Variants in LRRTM4 observed in about 807,000 individuals in gnomAD.
The protein encoded by LRRTM4 is leucine rich repeat transmembrane neuronal 4, also known as leucine-rich repeat transmembrane neuronal protein 4.
Under a neutral mutation model 47.6 loss-of-function variants are expected in LRRTM4, and 25 were observed. The observed-to-expected ratio is 0.53, with a 90% CI of 0.38 to 0.73. The LOEUF (loss-of-function observed/expected upper bound fraction) is 0.73, where lower values mean the gene tolerates loss of function less well. LRRTM4 is among the 30% of genes least tolerant of loss of function. LRRTM4 has a pLI of 0.00. For synonymous variants in LRRTM4, 311 were observed against 269.5 expected (o/e 1.15, Z -1.51); for missense variants, 638 against 713.4 (o/e 0.89, Z 1.20).
At chr2:77,046,896 A>C (rs1679253633) in intron 3 of LRRTM4, among the ~76,000 whole-genome samples, 1 of 152,018 alleles carries the variant, frequency 6.6e-6, no homozygotes, top group South Asian at 2.1e-4. Flanking sequence ...TGGCTGGATA[A>C]AAGAAAGGGA....
chr2:77,199,178 A>C (rs1673909324), intron 3 of LRRTM4, among the ~76,000 whole-genome samples: 2 of 152,182 alleles, frequency 1.3e-5, no homozygotes, highest in African/African-American at 4.8e-5. Context: ...CATTTAGCTA[A>C]AACACAGACT....
At chr2:76,924,961 G>C (rs1328164371) in intron 3 of LRRTM4, among the ~76,000 whole-genome samples, 1 of 151,862 alleles carries the variant, frequency 6.6e-6, no homozygotes, top group East Asian at 1.9e-4. Flanking sequence ...GACCTCTATT[G>C]ACACGTGCCT....
At chr2:77,379,196 T>C (rs1260599874) in intron 3 of LRRTM4, among the ~76,000 whole-genome samples, 1 of 152,150 alleles carries the variant, frequency 6.6e-6, no homozygotes, top group Non-Finnish European at 1.5e-5. Context: ...TTATTTTTGC[T>C]CTATATTGAA....
At chr2:77,143,841 T>C (rs988659529) in intron 3 of LRRTM4, among the ~76,000 whole-genome samples, 4 of 152,164 alleles carry the variant, frequency 2.6e-5, no homozygotes, top group African/African-American at 7.2e-5. Context: ...GGACAATCAT[T>C]TGGGGCCAAG....
At chr2:77,148,509 A>G (rs1032234311) in intron 3 of LRRTM4, among the ~76,000 whole-genome samples, 4 of 152,156 alleles carry the variant, frequency 2.6e-5, no homozygotes, top group African/African-American at 7.2e-5. Flanking sequence ...TTACTTTTAT[A>G]TATGACACTT....
intron 3 of LRRTM4, among the ~76,000 whole-genome samples, chr2:76,801,717 T>C (rs1675697809): frequency 6.6e-6 from 1 of 151,220 alleles, no homozygotes; most frequent in Non-Finnish European, 1.5e-5. Flanking sequence ...GTATGAAAAA[T>C]CCTCAGCAAA....
intron 3 of LRRTM4, among the ~76,000 whole-genome samples, chr2:76,975,430 T>A (rs1405722594): frequency 1.4e-5 from 2 of 139,890 alleles, no homozygotes; most frequent in East Asian, 2.0e-4. Flanking sequence ...TTATTTATTA[T>A]TTATTTTAAG....
intron 3 of LRRTM4, among the ~76,000 whole-genome samples, chr2:77,283,097 C>T (rs1426422346): frequency 6.6e-6 from 1 of 151,808 alleles, no homozygotes; most frequent in East Asian, 1.9e-4. Flanking sequence ...AAGACTAATA[C>T]CCAGATTCTA....
At chr2:76,836,159 T>A (rs982637634) in intron 3 of LRRTM4, among the ~76,000 whole-genome samples, 1 of 146,076 alleles carries the variant, frequency 6.8e-6, no homozygotes. Flanking sequence ...TAGTATGCGG[T>A]AAAAAAAAAA....
At chr2:77,211,512 T>A (rs1674292626) in intron 3 of LRRTM4, among the ~76,000 whole-genome samples, 1 of 152,178 alleles carries the variant, frequency 6.6e-6, no homozygotes, top group African/African-American at 2.4e-5. Context: ...TAACTTTATT[T>A]TGCAAACAAA....
chr2:77,183,082 A>G (rs1288136957), intron 3 of LRRTM4, among the ~76,000 whole-genome samples: 1 of 152,202 alleles, frequency 6.6e-6, no homozygotes, highest in Non-Finnish European at 1.5e-5. Flanking sequence ...AAATTGACAA[A>G]TGGGATCTAA....
chr2:76,815,745 AG>A (rs756419942), intron 3 of LRRTM4, among the ~76,000 whole-genome samples: 1 of 152,244 alleles, frequency 6.6e-6, no homozygotes, highest in East Asian at 1.9e-4. Context: ...CTGATTTTGC[AG>A]GTAACATAAA....
intron 3 of LRRTM4, among the ~76,000 whole-genome samples, chr2:76,967,987 G>A (rs1452158813): frequency 2.0e-5 from 3 of 151,072 alleles, no homozygotes; most frequent in South Asian, 2.1e-4. Flanking sequence ...AAAGACAAAT[G>A]AACATTATTG....
intron 3 of LRRTM4, among the ~76,000 whole-genome samples, chr2:76,892,776 G>A (rs904651188): frequency 2.6e-5 from 4 of 151,540 alleles, no homozygotes; most frequent in Non-Finnish European, 4.4e-5. Flanking sequence ...ACTCCAAAAG[G>A]GAAATGAAGT....
At chr2:77,199,958 C>T (rs1673929389) in intron 3 of LRRTM4, among the ~76,000 whole-genome samples, 1 of 151,884 alleles carries the variant, frequency 6.6e-6, no homozygotes, top group Non-Finnish European at 1.5e-5. Flanking sequence ...ACTTTTGTTT[C>T]AACAAAAGTT....
chr2:77,517,887 CATT>C (rs1015562804), intron 3 of LRRTM4: 16 of 988,022 alleles, frequency 1.6e-5, no homozygotes, highest in Non-Finnish European at 1.2e-6. Context: ...TTTAAATCTT[CATT>C]ACCTTCTGGA....
chr2:77,220,204 G>A (rs1485114234), intron 3 of LRRTM4, among the ~76,000 whole-genome samples: 1 of 152,140 alleles, frequency 6.6e-6, no homozygotes, highest in Non-Finnish European at 1.5e-5. Flanking sequence ...AAACCCATCT[G>A]TACGTCACTG....
intron 3 of LRRTM4, among the ~76,000 whole-genome samples, chr2:77,414,741 A>G (rs914072459): frequency 6.6e-6 from 1 of 152,164 alleles, no homozygotes; most frequent in African/African-American, 2.4e-5. Context: ...CAAGGAATTT[A>G]TGTTTTAGTT....
rs1485841999 is a variant in LRRTM4 at position 77,321,550 on chromosome 2, G to GGA, written c.1551+196766_1551+196767dup. Among the ~76,000 whole-genome samples the GGA allele has an allele frequency of 1.5e-3, 138 of 89,380 alleles. 2 individuals carry two copies. The highest frequency in any genetic ancestry group is 0.01 in the African/African-American group (130 of 12,614). The allele number at this position is 89,380 out of a possible 152,430, so 58.6% of individuals were successfully genotyped here. On this transcript the variant is annotated intron_variant, in intron 3 of 3. Coordinates refer to ENST00000409884, the MANE Select transcript of LRRTM4 (RefSeq NM_001134745.3). ...TCCAAATAAGTGTTGGCTAAATCGGGGAGGGGGGGGGGTGTGTGAAAGAAA... is the reference window on the plus strand; with the variant it reads ...TCCAAATAAGTGTTGGCTAAATCGGGGAGAGGGGGGGGGGTGTGTGAAAGAAA...
Sources: gnomAD v4.1 joint callset for allele counts (sites outside exome capture counted in the v4.1 genomes callset) on GRCh38, gnomAD v4.1.1 for gene constraint, MANE v1.5 for transcripts, NCBI Gene and HGNC (gene_info 2026-07-23, HGNC 2026-07-21) for gene names.